The following AUTS2 variants were observed in gnomAD, a reference collection of about 807,000 sequenced individuals.
The protein encoded by AUTS2 is autism susceptibility gene 2 protein.
AUTS2 carries 17 observed loss-of-function variants against 112.4 expected under a neutral mutation model. The ratio of observed to expected loss-of-function variants is 0.15; its 90% CI spans 0.10 to 0.23. AUTS2 has a LOEUF of 0.23. Ranked by LOEUF, AUTS2 falls within the 10% of genes least tolerant of loss-of-function variation. The pLI is 1.00. For missense variants in AUTS2, 1,510 were observed against 1,701.6 expected, an observed-to-expected ratio of 0.89 and a Z score of 1.98; for synonymous variants, 751 against 702.7, an observed-to-expected ratio of 1.07 and a Z score of -1.09.
rs749092558 is a variant in AUTS2, at chr7:70,790,604, C to T, written c.3388C>T (p.His1130Tyr). 8.2e-5 allele frequency: 132 copies of T among 1,606,770 alleles called. No individual in the cohort carries two copies. Among genetic ancestry groups the T allele is most frequent in the Non-Finnish European group, 1.1e-4 (130 of 1,177,196 alleles). ...EPHDYSHHHH[H>Y]HHHPLSVDPR... Reference sequence around the variant, plus strand: ...TCACGACTACAGCCACCACCACCACCACCACCACCACCCGCTGTCTGTGGA... The same window carrying T: ...TCACGACTACAGCCACCACCACCACTACCACCACCACCCGCTGTCTGTGGA... The change falls in exon 19 of 19, where the codon CAC becomes TAC. Residue 1130 changes from histidine (H) to tyrosine (Y), a missense_variant. Physicochemically the swap from His to Tyr is moderately conservative, Grantham distance 83. Coordinates refer to ENST00000342771, the MANE Select transcript of AUTS2 (RefSeq NM_015570.4). The surrounding 1 kb of genome is among the most constrained non-coding windows in gnomAD (Gnocchi z 7.6).
At chr7:69,970,746 T>C (rs1003540334) in intron 2 of AUTS2, among the ~76,000 whole-genome samples, 3 of 152,216 alleles carry the variant, frequency 2.0e-5, no homozygotes, top group African/African-American at 7.2e-5. Context: ...CTTGACCTTG[T>C]ATATACATAA....
At chr7:70,203,963 TAAAA>T (rs34646200) in intron 4 of AUTS2, among the ~76,000 whole-genome samples, 2 of 138,966 alleles carry the variant, frequency 1.4e-5, no homozygotes, top group Non-Finnish European at 1.6e-5. Flanking sequence ...TTTTAAGCCT[TAAAA>T]AAAAAAAAAA....
intron 1 of AUTS2, among the ~76,000 whole-genome samples, chr7:69,834,755 G>C (rs1399478495): frequency 1.3e-5 from 2 of 152,124 alleles, no homozygotes; most frequent in African/African-American, 4.8e-5. Context: ...TGACTGCTGG[G>C]GCTCCTAAAA....
intron 5 of AUTS2, among the ~76,000 whole-genome samples, chr7:70,538,142 C>A (rs1327706687): frequency 2.6e-5 from 4 of 152,142 alleles, no homozygotes; most frequent in Non-Finnish European, 4.4e-5. Context: ...GAGGCTGAGG[C>A]TGGAGGATCA....
intron 5 of AUTS2, among the ~76,000 whole-genome samples, chr7:70,447,888 G>A (rs1027337324): frequency 1.3e-5 from 2 of 152,182 alleles, no homozygotes; most frequent in Non-Finnish European, 2.9e-5. Flanking sequence ...TGCTTGAAAG[G>A]TATTTATTTT....
intron 4 of AUTS2, among the ~76,000 whole-genome samples, chr7:70,408,708 T>C (rs1446056766): frequency 6.6e-6 from 1 of 152,180 alleles, no homozygotes; most frequent in Non-Finnish European, 1.5e-5. Context: ...AATATTCAGG[T>C]ACTCTTACAC....
At chr7:69,731,571 C>T (rs975144294) in intron 1 of AUTS2, among the ~76,000 whole-genome samples, 10 of 152,142 alleles carry the variant, frequency 6.6e-5, no homozygotes, top group Non-Finnish European at 1.3e-4. Context: ...CATTTATGAC[C>T]TACAGAGCCC....
intron 5 of AUTS2, among the ~76,000 whole-genome samples, chr7:70,530,162 G>C (rs896486419): frequency 1.3e-5 from 2 of 152,184 alleles, no homozygotes; most frequent in African/African-American, 4.8e-5. Context: ...GGTGTTGCTA[G>C]CTGCAAAATT....
chr7:69,796,620 A>T (rs1789855616), intron 1 of AUTS2, among the ~76,000 whole-genome samples: 1 of 152,020 alleles, frequency 6.6e-6, no homozygotes, highest in South Asian at 2.1e-4. Context: ...TGTGGTCTGG[A>T]AGAAGGAAAA....
intron 5 of AUTS2, among the ~76,000 whole-genome samples, chr7:70,621,907 T>C (rs1804696860): frequency 7.4e-6 from 1 of 135,010 alleles, no homozygotes; most frequent in Non-Finnish European, 1.5e-5. Flanking sequence ...AGTGCAGTGG[T>C]GCAATCTCAG....
chr7:69,639,704 T>TTCTGTGCC (rs1794715590), intron 1 of AUTS2, among the ~76,000 whole-genome samples: 1 of 152,242 alleles, frequency 6.6e-6, no homozygotes, highest in Non-Finnish European at 1.5e-5. Context: ...GCCCAGGTCA[T>TTCTGTGCC]TCTGTGCCTC....
chr7:69,650,375 A>C (rs1187588943), intron 1 of AUTS2, among the ~76,000 whole-genome samples: 1 of 152,208 alleles, frequency 6.6e-6, no homozygotes, highest in Non-Finnish European at 1.5e-5. Context: ...CAGAATTGCC[A>C]GGAGCCTGTT....
intron 5 of AUTS2, among the ~76,000 whole-genome samples, chr7:70,558,468 A>G (rs1801342018): frequency 6.6e-6 from 1 of 152,166 alleles, no homozygotes; most frequent in South Asian, 2.1e-4. Context: ...CATCTCAGCC[A>G]CTGTCAGGAG....
intron 1 of AUTS2, among the ~76,000 whole-genome samples, chr7:69,812,649 C>T (rs755575365): frequency 1.3e-5 from 2 of 152,140 alleles, no homozygotes; most frequent in Non-Finnish European, 2.9e-5. Context: ...TTGTTTATTG[C>T]TGGTCATTTA....
At position 70,230,610 on chromosome 7, in the gene AUTS2, A is replaced by G. The variant is rs111485774; in HGVS notation, c.660+96039A>G. Among the ~76,000 whole-genome samples the G allele has an allele frequency of 3.7e-4, 56 of 152,344 alleles. 2 individuals carry two copies. The highest frequency in any genetic ancestry group is 1.3e-3 in the African/African-American group (52 of 41,584). On this transcript the variant is annotated intron_variant, in intron 4 of 18. Transcript: ENST00000342771. ...TTGTAAGGCCTCATGCTCAGCAGAA[A>G]TAAGTAGCTTACTAAGGCTTTCTGC...
intron 2 of AUTS2, among the ~76,000 whole-genome samples, chr7:70,016,423 A>C (rs977695896): frequency 6.6e-6 from 1 of 151,310 alleles, no homozygotes; most frequent in Non-Finnish European, 1.5e-5. Context: ...ATGGTTTAGG[A>C]GGAGATTTGG....
intron 4 of AUTS2, among the ~76,000 whole-genome samples, chr7:70,303,423 C>CGG (rs1789320461): frequency 1.6e-5 from 2 of 123,126 alleles, no homozygotes; most frequent in Non-Finnish European, 3.4e-5. Context: ...CACACACACA[C>CGG]GCGCGCGCGC....
At chr7:70,121,510 A>C (rs1390365952) in intron 3 of AUTS2, among the ~76,000 whole-genome samples, 1 of 152,186 alleles carries the variant, frequency 6.6e-6, no homozygotes, top group African/African-American at 2.4e-5. Flanking sequence ...CCTAAAGCAA[A>C]AATGGGCAAA....
At chr7:70,113,030 A>G (rs1226963504) in intron 2 of AUTS2, among the ~76,000 whole-genome samples, 1 of 152,074 alleles carries the variant, frequency 6.6e-6, no homozygotes, top group Admixed American at 6.6e-5. Context: ...AGATTATCAA[A>G]TTGTTATTTA....
Sources: gnomAD v4.1 joint callset for allele counts (sites outside exome capture counted in the v4.1 genomes callset) on GRCh38, gnomAD v4.1.1 for gene constraint, Gnocchi (gnomAD v3.1) non-coding constraint, MANE v1.5 for transcripts, NCBI Gene and HGNC (gene_info 2026-07-23, HGNC 2026-07-21) for gene names.